Variants in TULP4 observed in about 807,000 individuals in gnomAD.
TULP4 encodes the protein tubby-related protein 4.
In TULP4, 16 loss-of-function variants were observed where a neutral mutation model predicts 129.0. That is an observed-to-expected ratio of 0.12 (90% CI 0.08 to 0.19). TULP4 has a LOEUF of 0.19. Among genes scored for constraint, TULP4 ranks in the 10% least tolerant of loss-of-function variants. The pLI is 1.00. For missense variants in TULP4, 1,842 were observed against 2,059.1 expected, an observed-to-expected ratio of 0.89 and a Z score of 2.04; for synonymous variants, 998 against 854.0, an observed-to-expected ratio of 1.17 and a Z score of -2.94.
chr6:158,477,434 C>T (rs1250032368), intron 6 of TULP4, among the ~76,000 whole-genome samples: 1 of 152,060 alleles, frequency 6.6e-6, no homozygotes, highest in Non-Finnish European at 1.5e-5. Context: ...TCCAAACAAC[C>T]TCATTAAAAA....
At chr6:158,412,980 T>C (rs1407624688) in intron 1 of TULP4, 85 bp from the exon 2 acceptor site, 3 of 1,500,620 alleles carry the variant, frequency 2.0e-6, no homozygotes, top group Non-Finnish European at 2.7e-6. Flanking sequence ...GCATTCTAAT[T>C]AGTTCAAGTC....
At chr6:158,486,146 T>G (rs890380471) in intron 8 of TULP4, among the ~76,000 whole-genome samples, 2 of 152,124 alleles carry the variant, frequency 1.3e-5, no homozygotes, top group Non-Finnish European at 2.9e-5. Flanking sequence ...TGCCCCCACG[T>G]CACCCCCAAA....
chr6:158,327,570 A>T (rs1779770257), intron 1 of TULP4, among the ~76,000 whole-genome samples: 1 of 152,112 alleles, frequency 6.6e-6, no homozygotes, highest in Admixed American at 6.5e-5. Context: ...GATGGTTTTC[A>T]TTTCTAACAT....
chr6:158,270,416 T>G (rs1778526544), intron 1 of TULP4, among the ~76,000 whole-genome samples: 1 of 152,166 alleles, frequency 6.6e-6, no homozygotes, highest in Admixed American at 6.5e-5. Context: ...GTATTGAAGT[T>G]GGTTTATTTT....
At chr6:158,506,108 T>G (rs540413443) in intron 13 of TULP4, among the ~76,000 whole-genome samples, 78 of 152,128 alleles carry the variant, frequency 5.1e-4, no homozygotes, top group African/African-American at 1.8e-3. Context: ...GAGTTAGATA[T>G]AGAAGCTTCA....
At chr6:158,235,177 C>G (rs1349172626) in intron 1 of TULP4, among the ~76,000 whole-genome samples, 1 of 138,424 alleles carries the variant, frequency 7.2e-6, no homozygotes, top group Non-Finnish European at 1.6e-5. Flanking sequence ...AACTCTGTCT[C>G]AAAGAAAAAA....
intron 9 of TULP4, among the ~76,000 whole-genome samples, chr6:158,491,669 T>G (rs907270919): frequency 6.6e-6 from 1 of 151,230 alleles, no homozygotes; most frequent in Non-Finnish European, 1.5e-5. Flanking sequence ...TTTTTTGTAT[T>G]TTTAGTAGAG....
In TULP4 at chr6:158,510,186, G is replaced by T. The variant is rs1780705636; in HGVS notation, c.*3492G>T. On this transcript the variant is annotated 3_prime_UTR_variant, in exon 14 of 14. Transcript: ENST00000367097. ...GAGAAAAATTGGGGCCAAAGAAGCA[G>T]GAAAATCTCAAAGCTCTAATGGCAG... is the stretch of plus-strand genomic sequence containing the variant. The T allele has an allele frequency of 6.6e-6, 1 of 152,598 alleles. No homozygotes were observed. The highest frequency in any genetic ancestry group is 1.5e-5 in the Non-Finnish European group (1 of 68,042). The allele number at this position is 152,598 out of a possible 1,614,324, so 9.5% of individuals were successfully genotyped here. A position where few individuals can be genotyped will look rare whatever the true frequency, so the allele number is the denominator to read the frequency against.
intron 1 of TULP4, among the ~76,000 whole-genome samples, chr6:158,342,451 A>G (rs907988693): frequency 6.6e-6 from 1 of 152,214 alleles, no homozygotes; most frequent in African/African-American, 2.4e-5. Flanking sequence ...GTTTTTGTTT[A>G]TATAGCCTCG....
intron 6 of TULP4, among the ~76,000 whole-genome samples, chr6:158,475,712 A>G (rs1169721471): frequency 6.6e-6 from 1 of 152,232 alleles, no homozygotes; most frequent in Admixed American, 6.5e-5. Flanking sequence ...CCTAGAGGAC[A>G]GAGTGATGGA....
intron 1 of TULP4, among the ~76,000 whole-genome samples, chr6:158,240,260 C>T (rs1472449550): frequency 1.3e-5 from 1 of 77,862 alleles, no homozygotes. Context: ...GCTGGCCGGG[C>T]AGAGGGGCTC....
intron 1 of TULP4, among the ~76,000 whole-genome samples, chr6:158,377,220 C>T (rs75261158): frequency 6.6e-6 from 1 of 152,236 alleles, no homozygotes; most frequent in African/African-American, 2.4e-5. Flanking sequence ...CTGTCTTACA[C>T]ACACAGTAAC....
At chr6:158,464,562 A>T (rs1409225808) in intron 6 of TULP4, among the ~76,000 whole-genome samples, 3 of 152,142 alleles carry the variant, frequency 2.0e-5, no homozygotes, top group Non-Finnish European at 4.4e-5. Flanking sequence ...AGCTCACTGC[A>T]ACCTCTGCCT....
intron 1 of TULP4, among the ~76,000 whole-genome samples, chr6:158,369,991 CCAGCCATGGTCTCAAACTAGGG>C (rs1218201370): frequency 6.6e-6 from 1 of 150,786 alleles, no homozygotes; most frequent in East Asian, 2.0e-4. Flanking sequence ...GAGTTTGAGA[CCAGCCATGGTCTCAAACTAGGG>C]CAGCATGGAG....
intron 12 of TULP4, among the ~76,000 whole-genome samples, chr6:158,500,416 A>G (rs975988978): frequency 2.8e-4 from 43 of 152,232 alleles, no homozygotes; most frequent in African/African-American, 1.0e-3. Flanking sequence ...AGCTTTTGAT[A>G]AACTAGCTGG....
Position 158,261,693 on chromosome 6 carries a change from A to G in TULP4, n.68+29390A>G, listed in dbSNP as rs559517684. On this transcript the variant is annotated intron_variant and non_coding_transcript_variant, in intron 1 of 1. Transcript: ENST00000620026. ...AACTCAGGCGGCTCATACAAAATGAATGTTGACTGTTCATGTAGCGGTCTG... is the reference window on the plus strand; with the variant it reads ...AACTCAGGCGGCTCATACAAAATGAGTGTTGACTGTTCATGTAGCGGTCTG... 8.5e-5 allele frequency among the ~76,000 whole-genome samples: 13 copies of G among 152,310 alleles called. No homozygotes were observed. The South Asian group carries it at 2.7e-3, about 32-fold the overall frequency.
chr6:158,494,614 T>G (rs1780286733), intron 10 of TULP4, 139 bp from the exon 11 acceptor site: 4 of 737,532 alleles, frequency 5.4e-6, no homozygotes, highest in Non-Finnish European at 6.4e-6. Flanking sequence ...TTGCAAATGG[T>G]AGATGAGGTA....
intron 1 of TULP4, among the ~76,000 whole-genome samples, chr6:158,289,605 G>GC (rs1562507258): frequency 6.6e-6 from 1 of 152,068 alleles, no homozygotes; most frequent in Admixed American, 6.5e-5. Flanking sequence ...TTTTGAGACA[G>GC]CGTCTCATTT....
chr6:158,431,004 A>AT lies in TULP4; in HGVS notation c.543+1113dup, dbSNP rs200750352. ...CCATTTTTCAAGTAAAAAGACAAAT[A>AT]TTTTTTCTCTTCTCAAAATTGGTAT... On this transcript the variant is annotated intron_variant, in intron 3 of 13. Coordinates refer to ENST00000367097, the MANE Select transcript of TULP4 (RefSeq NM_020245.5). 9.5e-3 allele frequency among the ~76,000 whole-genome samples: 1,445 copies of AT among 152,076 alleles called. 25 individuals are homozygous for AT. The highest frequency in any genetic ancestry group is 0.032 in the African/African-American group (1,321 of 41,452).
Sources: allele counts gnomAD v4.1 joint callset (sites outside exome capture counted in the v4.1 genomes callset), GRCh38; gene constraint gnomAD v4.1.1; transcripts MANE v1.5; gene names NCBI Gene and HGNC (gene_info 2026-07-23, HGNC 2026-07-21).